The following CNTLN variants were observed in gnomAD, a reference collection of about 807,000 sequenced individuals.
CNTLN encodes the protein centlein, centrosomal protein.
Under a neutral mutation model 180.0 loss-of-function variants are expected in CNTLN, and 212 were observed. The observed-to-expected ratio is 1.18, with a 90% CI of 1.05 to 1.32. The LOEUF (loss-of-function observed/expected upper bound fraction) is 1.32. CNTLN is among the 40% of genes most tolerant of loss of function. The probability of loss-of-function intolerance (pLI) is 0.00; values close to 1 mark genes in which losing one functional copy is unlikely to be tolerated. For missense variants in CNTLN, 2,095 were observed against 1,610.9 expected (o/e 1.30, Z -5.14); for synonymous variants, 722 against 563.1 (o/e 1.28, Z -3.99).
chr9:17,214,495 C>T (rs538639312), intron 2 of CNTLN, among the ~76,000 whole-genome samples: 4 of 152,216 alleles, frequency 2.6e-5, no homozygotes, highest in South Asian at 4.1e-4. Context: ...ATATTTTTTC[C>T]GTCATTTCAA....
intron 5 of CNTLN, among the ~76,000 whole-genome samples, chr9:17,270,412 A>G (rs1218027109): frequency 1.3e-5 from 2 of 152,152 alleles, no homozygotes; most frequent in Non-Finnish European, 2.9e-5. Flanking sequence ...GGTAAATTAT[A>G]TTAACAGATT....
At chr9:17,384,995 G>A (rs964119421) in intron 13 of CNTLN, among the ~76,000 whole-genome samples, 3 of 152,184 alleles carry the variant, frequency 2.0e-5, no homozygotes, top group Non-Finnish European at 4.4e-5. Flanking sequence ...GTTTCCACCT[G>A]TATTTCTGAC....
intron 2 of CNTLN, among the ~76,000 whole-genome samples, chr9:17,215,857 C>T (rs368445269): frequency 5.9e-5 from 9 of 152,134 alleles, no homozygotes; most frequent in Admixed American, 1.3e-4. Flanking sequence ...GAGCCAGGCG[C>T]GGGGTATAAT....
chr9:17,148,203 A>T (rs1818589922), intron 2 of CNTLN, among the ~76,000 whole-genome samples: 9 of 152,166 alleles, frequency 5.9e-5, no homozygotes, highest in Admixed American at 5.9e-4. Flanking sequence ...CCACTAATGG[A>T]TTTTGAAGCA....
intron 2 of CNTLN, among the ~76,000 whole-genome samples, chr9:17,176,814 G>C (rs1470225608): frequency 6.6e-6 from 1 of 152,170 alleles, no homozygotes; most frequent in South Asian, 2.1e-4. Flanking sequence ...GTGGTAGTTT[G>C]TGCATCTTGA....
the CNTLN span, among the ~76,000 whole-genome samples, chr9:17,515,485 C>G: frequency 2.8e-4 from 42 of 152,124 alleles, no homozygotes; most frequent in Non-Finnish European, 4.8e-4. Context: ...TATTCAACAT[C>G]TCTACTTGAT....
chr9:17,285,232 C>A (rs1483107782), intron 6 of CNTLN, among the ~76,000 whole-genome samples: 1 of 146,698 alleles, frequency 6.8e-6, no homozygotes, highest in Non-Finnish European at 1.5e-5. Flanking sequence ...TCAATTCCCA[C>A]CTATGAGTGA....
chr9:17,461,361 G>A (rs183256864), intron 19 of CNTLN, among the ~76,000 whole-genome samples: 1 of 151,684 alleles, frequency 6.6e-6, no homozygotes, highest in East Asian at 1.9e-4. Flanking sequence ...AGGCAGTGCT[G>A]GAAATAAGAC....
At position 17,494,749 on chromosome 9, in the gene CNTLN, C is replaced by G. The variant is rs141709154; in HGVS notation, c.4119+7683C>G. ...CACATTACTCTCGTTTGTGGTAATG[C>G]TGGTGTAAACAAACCTGCTGTGCTG... On this transcript the variant is annotated intron_variant, in intron 25 of 25. Transcript: ENST00000380647. Among the ~76,000 whole-genome samples the G allele has an allele frequency of 5.1e-4, 78 of 152,186 alleles. No individual in the cohort carries two copies. In the East Asian group the frequency reaches 0.014, roughly 28 times the overall value.
At chr9:17,145,862 C>G (rs1266536703) in intron 2 of CNTLN, among the ~76,000 whole-genome samples, 1 of 152,094 alleles carries the variant, frequency 6.6e-6, no homozygotes, top group African/African-American at 2.4e-5. Flanking sequence ...TTTCTGACTC[C>G]TTAAATGACC....
intron 5 of CNTLN, among the ~76,000 whole-genome samples, chr9:17,273,048 G>C (rs944079049): frequency 6.6e-6 from 1 of 151,662 alleles, no homozygotes; most frequent in African/African-American, 2.4e-5. Flanking sequence ...GTTTATGTTT[G>C]GAAATAATGA....
At chr9:17,434,130 T>C (rs1435800356) in intron 18 of CNTLN, among the ~76,000 whole-genome samples, 2 of 152,202 alleles carry the variant, frequency 1.3e-5, no homozygotes, top group Non-Finnish European at 2.9e-5. Context: ...AGGATTTGTG[T>C]CTTCTTTTTA....
intron 8 of CNTLN, among the ~76,000 whole-genome samples, chr9:17,318,428 G>C (rs1431129322): frequency 2.0e-5 from 3 of 152,148 alleles, no homozygotes; most frequent in East Asian, 3.9e-4. Flanking sequence ...ACAGGCAATT[G>C]TAATAGTGCA....
At position 17,236,507 on chromosome 9, in the gene CNTLN, C is replaced by T. The variant is rs372607866; in HGVS notation, c.768C>T (p.Asp256=). Residue 256 remains aspartate, a synonymous_variant, in exon 5 of 26, where the codon GAC becomes GAT. Coordinates refer to ENST00000380647, the MANE Select transcript of CNTLN (RefSeq NM_017738.4). The part of the protein sequence containing the change: ...ENKKLSTRCT[D]LLNDLEKLRK... ...AGAAATTAAGTACCCGCTGCACTGA[C>T]CTGCTAAATGACCTGGAGAAATTGA... 6 of 1,613,496 alleles carry T rather than the reference C, an allele frequency of 3.7e-6. No individual in the cohort carries two copies. The highest frequency in any genetic ancestry group is 5.1e-6 in the Non-Finnish European group (6 of 1,179,748).
At chr9:17,383,005 T>A (rs934249484) in intron 13 of CNTLN, among the ~76,000 whole-genome samples, 1 of 152,158 alleles carries the variant, frequency 6.6e-6, no homozygotes, top group African/African-American at 2.4e-5. Flanking sequence ...TCTTGCAGGT[T>A]CCATGTAGAA....
chr9:17,224,617 T>G (rs890124688), intron 2 of CNTLN, among the ~76,000 whole-genome samples: 3 of 152,040 alleles, frequency 2.0e-5, no homozygotes, highest in Admixed American at 2.0e-4. Context: ...CTAATCTCTT[T>G]TTGTGTCTAG....
At chr9:17,166,527 T>C (rs1237807847) in intron 2 of CNTLN, among the ~76,000 whole-genome samples, 2 of 152,154 alleles carry the variant, frequency 1.3e-5, no homozygotes, top group Admixed American at 6.5e-5. Flanking sequence ...CACAAAGAAC[T>C]ATTGCAAGGC....
intron 6 of CNTLN, among the ~76,000 whole-genome samples, chr9:17,290,415 T>C (rs540885836): frequency 6.7e-6 from 1 of 149,356 alleles, no homozygotes; most frequent in Non-Finnish European, 1.5e-5. Context: ...TCTTCAAAGC[T>C]GTCAGACAGG....
In CNTLN at chr9:17,502,477, T is replaced by G. The variant is rs1451507433; in HGVS notation, c.4120-74T>G. On this transcript the variant is annotated intron_variant, in intron 25 of 25. Coordinates refer to ENST00000380647, the MANE Select transcript of CNTLN (RefSeq NM_017738.4). ...TGCAGACATCTAACTTCTAATGGTTTAATAATATTTAGTATGTTTTTGAAC... is the reference window on the plus strand; with the variant it reads ...TGCAGACATCTAACTTCTAATGGTTGAATAATATTTAGTATGTTTTTGAAC... 9 of 686,366 alleles carry G rather than the reference T, an allele frequency of 1.3e-5. No individual in the cohort carries two copies. The East Asian group carries it at 3.0e-4, about 23-fold the overall frequency. The allele number at this position is 686,366 out of a possible 1,614,324, so 42.5% of individuals were successfully genotyped here.
Sources: gnomAD v4.1 joint callset for allele counts (sites outside exome capture counted in the v4.1 genomes callset) on GRCh38, gnomAD v4.1.1 for gene constraint, MANE v1.5 for transcripts, NCBI Gene and HGNC (gene_info 2026-07-23, HGNC 2026-07-21) for gene names.